SUGCT: variants seen among roughly 807,000 people sequenced by gnomAD.
SUGCT encodes the protein succinyl-CoA:glutarate CoA-transferase.
A neutral mutation model predicts 55.0 loss-of-function variants in SUGCT; 41 were observed. The ratio of observed to expected loss-of-function variants is 0.74; its 90% CI spans 0.58 to 0.97. SUGCT has a LOEUF of 0.97. SUGCT is among the 50% of genes least tolerant of loss of function. The pLI is 0.00. For missense variants in SUGCT, 568 were observed against 547.8 expected, an observed-to-expected ratio of 1.04 and a Z score of -0.37; for synonymous variants, 187 against 200.4, an observed-to-expected ratio of 0.93 and a Z score of 0.56.
In SUGCT at chr7:40,811,341, G is replaced by A. The variant is rs547769127; in HGVS notation, c.1154-48975G>A. Among the ~76,000 whole-genome samples the A allele has an allele frequency of 1.1e-4, 17 of 152,238 alleles. No individual in the cohort carries two copies. The South Asian group carries it at 3.5e-3, about 32-fold the overall frequency. On this transcript the variant is annotated intron_variant, in intron 13 of 13. Transcript: ENST00000335693. Reference sequence around the variant, plus strand: ...GTTTGATAGGAATGGCATTGAATATGTAGATTGCTTTGGGCTCTATGGTCA... The same window carrying A: ...GTTTGATAGGAATGGCATTGAATATATAGATTGCTTTGGGCTCTATGGTCA...
intron 12 of SUGCT, among the ~76,000 whole-genome samples, chr7:40,548,186 C>CTTTTTTTTTTTTTTT (rs1186226631): frequency 2.8e-4 from 29 of 104,992 alleles, no homozygotes; most frequent in Non-Finnish European, 4.0e-4. Context: ...TTCTTTCTTT[C>CTTTTTTTTTTTTTTT]TTTTTTTTTT....
the SUGCT span, among the ~76,000 whole-genome samples, chr7:40,953,035 C>T: frequency 6.6e-6 from 1 of 152,166 alleles, no homozygotes; most frequent in African/African-American, 2.4e-5. Flanking sequence ...TGGATAATAT[C>T]CTGAAGAGTG....
intron 8 of SUGCT, among the ~76,000 whole-genome samples, chr7:40,299,662 A>G (rs1442081807): frequency 6.6e-6 from 1 of 151,120 alleles, no homozygotes; most frequent in Non-Finnish European, 1.5e-5. Flanking sequence ...AAAAAAAATT[A>G]ATGAACTAAA....
intron 9 of SUGCT, among the ~76,000 whole-genome samples, chr7:40,400,272 G>A (rs1383616758): frequency 6.6e-6 from 1 of 152,070 alleles, no homozygotes; most frequent in Non-Finnish European, 1.5e-5. Context: ...AAAGGAATAA[G>A]TGAGGCTAGA....
intron 12 of SUGCT, among the ~76,000 whole-genome samples, chr7:40,510,768 GAATA>G (rs796832917): frequency 2.0e-5 from 3 of 152,112 alleles, no homozygotes; most frequent in Middle Eastern, 3.4e-3. Flanking sequence ...GTAAATGGTT[GAATA>G]AATAAATAAA....
intron 1 of SUGCT, among the ~76,000 whole-genome samples, chr7:40,179,843 T>G (rs563357589): frequency 1.0e-3 from 155 of 152,306 alleles, no homozygotes; most frequent in African/African-American, 3.6e-3. Context: ...GGCATCAACT[T>G]TCCTAATATC....
At chr7:41,010,374 G>A in the SUGCT span, among the ~76,000 whole-genome samples, 6 of 152,308 alleles carry the variant, frequency 3.9e-5, no homozygotes, top group East Asian at 9.6e-4. Context: ...AGGGATCATA[G>A]TGGAGTAAAA....
At chr7:41,030,433 G>T in the SUGCT span, among the ~76,000 whole-genome samples, 2 of 152,074 alleles carry the variant, frequency 1.3e-5, no homozygotes, top group African/African-American at 4.8e-5. Context: ...ATCCATTAAG[G>T]CAGTGATAAC....
intron 9 of SUGCT, among the ~76,000 whole-genome samples, chr7:40,404,028 A>G (rs1002396460): frequency 1.3e-5 from 2 of 152,198 alleles, no homozygotes; most frequent in Admixed American, 6.5e-5. Flanking sequence ...AAAAGGAGAT[A>G]AGGAAGGGAT....
rs1411653984 is a variant in SUGCT at position 40,274,683 on chromosome 7, A to G, written c.720+27A>G. ...TAACAATCCAACTAACATTTCAGATAATGTTATAAAAACTGTGTCTGGGTT... is the reference window on the plus strand; with the variant it reads ...TAACAATCCAACTAACATTTCAGATGATGTTATAAAAACTGTGTCTGGGTT... On this transcript the variant is annotated intron_variant, in intron 8 of 13. Coordinates refer to ENST00000335693, the MANE Select transcript of SUGCT (RefSeq NM_001193313.2). 3 of 1,608,798 alleles carry G rather than the reference A, an allele frequency of 1.9e-6. No individual in the cohort carries two copies. The African/African-American group carries it at 4.0e-5, about 21-fold the overall frequency.
the SUGCT span, among the ~76,000 whole-genome samples, chr7:40,972,049 G>A: frequency 1.3e-5 from 2 of 151,984 alleles, no homozygotes; most frequent in Non-Finnish European, 2.9e-5. Context: ...ATGGAACCAT[G>A]CAGAAATTTT....
intron 9 of SUGCT, among the ~76,000 whole-genome samples, chr7:40,340,671 A>G (rs1205589905): frequency 6.6e-6 from 1 of 152,206 alleles, no homozygotes; most frequent in East Asian, 1.9e-4. Flanking sequence ...AAAGTGTGAC[A>G]GGTCAGGTGT....
At chr7:40,294,533 C>T (rs954869671) in intron 8 of SUGCT, among the ~76,000 whole-genome samples, 3 of 152,146 alleles carry the variant, frequency 2.0e-5, no homozygotes, top group Non-Finnish European at 2.9e-5. Flanking sequence ...CCCATAGATG[C>T]GTTATGATGA....
At chr7:40,259,117 C>T (rs1791043397) in intron 7 of SUGCT, among the ~76,000 whole-genome samples, 1 of 152,104 alleles carries the variant, frequency 6.6e-6, no homozygotes, top group African/African-American at 2.4e-5. Flanking sequence ...AAATGTCTAA[C>T]TCATAGATGT....
At chr7:40,377,443 A>T (rs1436564671) in intron 9 of SUGCT, among the ~76,000 whole-genome samples, 3 of 151,332 alleles carry the variant, frequency 2.0e-5, no homozygotes, top group Non-Finnish European at 2.9e-5. Context: ...GGGTTTCACC[A>T]TGCTGGCCAG....
intron 12 of SUGCT, among the ~76,000 whole-genome samples, chr7:40,625,948 T>C (rs923128089): frequency 2.6e-5 from 4 of 152,242 alleles, no homozygotes; most frequent in Non-Finnish European, 2.9e-5. Context: ...TCACATTCTT[T>C]ATTTAATTGA....
chr7:40,356,843 C>T (rs926622561), intron 9 of SUGCT, among the ~76,000 whole-genome samples: 2 of 152,196 alleles, frequency 1.3e-5, no homozygotes, highest in South Asian at 2.1e-4. Flanking sequence ...AACAACTGAA[C>T]AGTATCCATC....
intron 1 of SUGCT, among the ~76,000 whole-genome samples, chr7:40,177,353 C>A (rs942048600): frequency 2.0e-5 from 3 of 149,688 alleles, no homozygotes; most frequent in Non-Finnish European, 4.4e-5. Flanking sequence ...TTTCCTTTTT[C>A]TATCCATAAG....
At chr7:40,570,759 ACCAGC>A (rs1796397872) in intron 12 of SUGCT, among the ~76,000 whole-genome samples, 1 of 151,548 alleles carries the variant, frequency 6.6e-6, no homozygotes, top group Non-Finnish European at 1.5e-5. Flanking sequence ...GAATCAGATA[ACCAGC>A]CTAATTAGGA....
Sources: gnomAD v4.1 joint callset for allele counts (sites outside exome capture counted in the v4.1 genomes callset) on GRCh38, gnomAD v4.1.1 for gene constraint, MANE v1.5 for transcripts, NCBI Gene and HGNC (gene_info 2026-07-23, HGNC 2026-07-21) for gene names.